The following GNAS variants were observed in gnomAD, a reference collection of about 807,000 sequenced individuals.
GNAS encodes protein ALEX.
In GNAS, 8 loss-of-function variants were observed where a neutral mutation model predicts 54.5. The observed-to-expected ratio is 0.15, with a 90% CI of 0.09 to 0.26. The LOEUF (loss-of-function observed/expected upper bound fraction) is 0.26, where lower values mean the gene tolerates loss of function less well. Among genes scored for constraint, GNAS ranks in the 10% least tolerant of loss-of-function variants. The probability of loss-of-function intolerance (pLI) is 1.00; values close to 1 mark genes in which losing one functional copy is unlikely to be tolerated. For missense variants in GNAS, 170 were observed against 529.8 expected, an observed-to-expected ratio of 0.32 and a Z score of 6.67; for synonymous variants, 204 against 191.4, an observed-to-expected ratio of 1.07 and a Z score of -0.54.
intron 1 of GNAS, among the ~76,000 whole-genome samples, chr20:58,851,191 C>A (rs2086157308): frequency 6.6e-6 from 1 of 152,210 alleles, no homozygotes; most frequent in African/African-American, 2.4e-5. Context: ...CAAACGTTTC[C>A]CAGGGTCCAA....
chr20:58,907,462 T>G (rs562301817), intron 6 of GNAS, among the ~76,000 whole-genome samples: 1 of 152,308 alleles, frequency 6.6e-6, no homozygotes, highest in African/African-American at 2.4e-5. Context: ...CATTTTGTAT[T>G]TTGGATCCAA....
rs1273407612 is a variant in GNAS, at chr20:58,899,664, CGCACACACAT to C, written c.257+685_257+694del. Among the ~76,000 whole-genome samples, 6 of 132,672 alleles carry C rather than the reference CGCACACACAT, an allele frequency of 4.5e-5. No homozygotes were observed. The East Asian group carries it at 1.0e-3, about 22-fold the overall frequency. 87.0% of individuals were successfully genotyped at this position (132,672 alleles called of 152,430 possible). On this transcript the variant is annotated intron_variant, in intron 3 of 12. Coordinates refer to ENST00000371085, the MANE Select transcript of GNAS (RefSeq NM_000516.7). ...CCCACACCCATCACACACACACACA[CGCACACACAT>C]GCACATGCATACACAGACACGCACA...
At position 58,853,202 on chromosome 20, in the gene GNAS, T is replaced by C; in HGVS notation, c.43+12316T>C. The C allele has an allele frequency of 1.4e-6, 2 of 1,472,792 alleles. No homozygotes were observed. The highest frequency in any genetic ancestry group is 1.8e-6 in the Non-Finnish European group (2 of 1,109,348). 91.2% of individuals were successfully genotyped at this position (1,472,792 alleles called of 1,614,324 possible). A position where few individuals can be genotyped will look rare whatever the true frequency, so the allele number is the denominator to read the frequency against. On this transcript the variant is annotated intron_variant, in intron 1 of 12. Transcript: ENST00000306090. The surrounding 1 kb of genome is among the most constrained non-coding windows in gnomAD (Gnocchi z 4.4). Reference sequence around the variant, plus strand: ...AATAATAATAATAATTTTTTCACCCTAGTTCGGTTGGGTGCTCCATCTTAC... The same window carrying C: ...AATAATAATAATAATTTTTTCACCCCAGTTCGGTTGGGTGCTCCATCTTAC...
chr20:58,852,441 G>C (rs530308517), intron 1 of GNAS, among the ~76,000 whole-genome samples: 29 of 152,294 alleles, frequency 1.9e-4, no homozygotes, highest in Non-Finnish European at 2.8e-4. Context: ...ATCCCTACGC[G>C]TGCCTGCGCC....
upstream of GNAS, chr20:58,840,674 G>A: frequency 6.2e-7 from 1 of 1,604,936 alleles, no homozygotes; most frequent in Non-Finnish European, 8.5e-7. This position sits in a 1 kb window ranked among gnomAD's most constrained non-coding sequence, Gnocchi z 6.0. Context: ...GAGCCCCAGG[G>A]AAGGGGAGGA....
Position 58,909,249 on chromosome 20 carries a change from G to A in GNAS, c.585+33G>A. On this transcript the variant is annotated intron_variant, in intron 7 of 12. Coordinates refer to ENST00000371085, the MANE Select transcript of GNAS (RefSeq NM_000516.7). The surrounding 1 kb of genome is among the most constrained non-coding windows in gnomAD (Gnocchi z 7.3). ...AAACCCCTCCCCACCAGAGGACTCT[G>A]AGCCCTCTTTCCAAACTACTCCAGA... 6.2e-7 allele frequency: 1 copy of A among 1,604,208 alleles called. No homozygotes were observed. Among genetic ancestry groups the A allele is most frequent in the Non-Finnish European group, 8.5e-7 (1 of 1,171,002 alleles).
chr20:58,852,851 C>T (rs929926414), intron 1 of GNAS: 1 of 279,274 alleles, frequency 3.6e-6, no homozygotes, highest in Non-Finnish European at 6.2e-6. Context: ...GCCAGCTCGG[C>T]ACTGGAACCG....
chr20:58,905,053 C>T (rs1050436231), intron 5 of GNAS, among the ~76,000 whole-genome samples: 4 of 152,170 alleles, frequency 2.6e-5, no homozygotes, highest in African/African-American at 9.7e-5. Context: ...CATATTCTAA[C>T]ACATTTAGTG....
upstream of GNAS, chr20:58,889,183 C>A (rs1215340767): frequency 8.2e-7 from 1 of 1,214,702 alleles, no homozygotes; most frequent in Non-Finnish European, 1.1e-6. Context: ...GACACTCAGT[C>A]GCGTCGGCAC....
At chr20:58,839,991 G>T, upstream of GNAS, 1 of 1,161,370 alleles carries the variant, frequency 8.6e-7, no homozygotes, top group Admixed American at 1.9e-5. Flanking sequence ...GGGACCTCCG[G>T]GCCAGCTTCT....
At chr20:58,874,065 C>A (rs2087633869) in intron 1 of GNAS, among the ~76,000 whole-genome samples, 1 of 152,226 alleles carries the variant, frequency 6.6e-6, no homozygotes, top group South Asian at 2.1e-4. Flanking sequence ...GATTTTCATG[C>A]CACTCTGAGG....
At chr20:58,846,379 G>A (rs764285194) in intron 1 of GNAS, among the ~76,000 whole-genome samples, 4 of 152,172 alleles carry the variant, frequency 2.6e-5, no homozygotes, top group Non-Finnish European at 4.4e-5. Flanking sequence ...TGGCATTGGA[G>A]GGCTACCAAT....
intron 1 of GNAS, chr20:58,884,473 C>T (rs2088455659): frequency 6.6e-6 from 1 of 152,208 alleles, no homozygotes; most frequent in Non-Finnish European, 1.5e-5. Context: ...TCTCCAGGTG[C>T]ACCAACTGCC....
At chr20:58,891,032 C>CG (rs1325001739), upstream of GNAS, among the ~76,000 whole-genome samples, 15 of 150,762 alleles carry the variant, frequency 9.9e-5, no homozygotes, top group African/African-American at 7.3e-5. Context: ...CGACGCGGTC[C>CG]GGGGGGTGGA....
rs527264661 is a variant in GNAS at position 58,883,347 on chromosome 20, A to G, written c.44-12265A>G. ...AAAAGGAGCCGTAATCTGAGAAGGT[A>G]GTAGAGACTAAGGCAACCGAAAAAC... On this transcript the variant is annotated intron_variant, in intron 1 of 12. Transcript: ENST00000306090. Among the ~76,000 whole-genome samples the G allele has an allele frequency of 2.6e-5, 4 of 152,298 alleles. No homozygotes were observed. In the South Asian group the frequency reaches 8.3e-4, roughly 32 times the overall value.
intron 1 of GNAS, among the ~76,000 whole-genome samples, chr20:58,844,808 CAAA>C (rs760229478): frequency 6.6e-6 from 1 of 150,990 alleles, no homozygotes; most frequent in Non-Finnish European, 1.5e-5. Flanking sequence ...AAAAAAAAAA[CAAA>C]ACAAAACAAC....
intron 1 of GNAS, among the ~76,000 whole-genome samples, chr20:58,852,126 C>T (rs1568921066): frequency 6.6e-6 from 1 of 152,018 alleles, no homozygotes; most frequent in Non-Finnish European, 1.5e-5. Context: ...GCCGCAGCTA[C>T]TCCCTAGGGG....
chr20:58,868,908 T>A (rs2087245481), intron 1 of GNAS, among the ~76,000 whole-genome samples: 1 of 152,192 alleles, frequency 6.6e-6, no homozygotes, highest in African/African-American at 2.4e-5. Context: ...GCTCGGCTTT[T>A]ACGATTGACA....
chr20:58,852,504 G>A lies in GNAS; in HGVS notation c.43+11618G>A, dbSNP rs116985635. Among the ~76,000 whole-genome samples, 162 of 152,258 alleles carry A rather than the reference G, an allele frequency of 1.1e-3. 3 individuals carry two copies. The East Asian group carries it at 0.029, about 27-fold the overall frequency. ...TCCGGACTAGGGGCTTGAGATCCGG[G>A]GCTGCCTGGAGGCTGGGGGCTATGA... On this transcript the variant is annotated intron_variant, in intron 1 of 12. Transcript: ENST00000306090.
Sources: allele counts gnomAD v4.1 joint callset (sites outside exome capture counted in the v4.1 genomes callset), GRCh38; gene constraint gnomAD v4.1.1; non-coding constraint Gnocchi (gnomAD v3.1); transcripts MANE v1.5; gene names NCBI Gene and HGNC (gene_info 2026-07-23, HGNC 2026-07-21).